The following C12orf42 variants were observed in gnomAD, a reference collection of about 807,000 sequenced individuals.
The protein encoded by C12orf42 is uncharacterized protein C12orf42.
A neutral mutation model predicts 21.6 loss-of-function variants in C12orf42; 25 were observed. The ratio of observed to expected loss-of-function variants is 1.16; its 90% CI spans 0.84 to 1.62. C12orf42 has a LOEUF of 1.62. Ranked by LOEUF, C12orf42 falls within the 40% of genes most tolerant of loss-of-function variation. The pLI is 0.00. For synonymous variants in C12orf42, 174 were observed against 175.0 expected (o/e 0.99, Z 0.05); for missense variants, 483 against 459.3 (o/e 1.05, Z -0.47).
At chr12:103,554,206 A>G in the C12orf42 span, among the ~76,000 whole-genome samples, 2 of 152,210 alleles carry the variant, frequency 1.3e-5, no homozygotes, top group African/African-American at 2.4e-5. Context: ...AACTATGTTA[A>G]CAAAATCAGG....
the C12orf42 span, among the ~76,000 whole-genome samples, chr12:103,221,425 T>G: frequency 6.6e-6 from 1 of 152,232 alleles, no homozygotes; most frequent in African/African-American, 2.4e-5. Context: ...CAGAATCAAG[T>G]CCAGTCTCAG....
chr12:103,130,871 G>T, the C12orf42 span, among the ~76,000 whole-genome samples: 2 of 152,150 alleles, frequency 1.3e-5, no homozygotes, highest in African/African-American at 4.8e-5. Context: ...AACCTGAGTA[G>T]GTTGTTGCAT....
the C12orf42 span, among the ~76,000 whole-genome samples, chr12:103,223,770 A>G: frequency 2.6e-5 from 4 of 152,200 alleles, no homozygotes; most frequent in Non-Finnish European, 5.9e-5. Context: ...GCATCTATAC[A>G]GGAGCTTAAA....
the C12orf42 span, among the ~76,000 whole-genome samples, chr12:103,157,065 A>G: frequency 4.0e-4 from 61 of 152,150 alleles, no homozygotes; most frequent in Non-Finnish European, 7.1e-4. Context: ...CTTCCACAAT[A>G]GTTGAGCTAA....
intron 4 of C12orf42, among the ~76,000 whole-genome samples, chr12:103,326,511 C>T (rs1593446634): frequency 6.6e-6 from 1 of 152,100 alleles, no homozygotes; most frequent in African/African-American, 2.4e-5. Context: ...ATGATCTAGC[C>T]CCTTCCTACC....
chr12:103,184,955 G>C, the C12orf42 span, among the ~76,000 whole-genome samples: 12 of 152,032 alleles, frequency 7.9e-5, no homozygotes. Flanking sequence ...GCCAAGGAGA[G>C]TGGCTTCAGA....
At chr12:103,236,511 GT>G (rs2033471495), downstream of C12orf42, among the ~76,000 whole-genome samples, 1 of 152,150 alleles carries the variant, frequency 6.6e-6, no homozygotes, top group Admixed American at 6.5e-5. Flanking sequence ...GATTATCTCA[GT>G]TCACTAAACT....
At chr12:103,511,238 TA>T in the C12orf42 span, among the ~76,000 whole-genome samples, 20 of 152,096 alleles carry the variant, frequency 1.3e-4, no homozygotes, top group East Asian at 3.8e-4. Flanking sequence ...ATAAAGTGAT[TA>T]AAAAATGCTA....
At chr12:103,261,183 G>A (rs1206601422) in intron 10 of C12orf42, among the ~76,000 whole-genome samples, 1 of 152,122 alleles carries the variant, frequency 6.6e-6, no homozygotes, top group East Asian at 1.9e-4. Flanking sequence ...CAAAATTAAT[G>A]TATGGGGCCA....
chr12:103,539,583 T>C, the C12orf42 span, among the ~76,000 whole-genome samples: 3 of 152,110 alleles, frequency 2.0e-5, no homozygotes, highest in Non-Finnish European at 4.4e-5. Flanking sequence ...AGTTTAATTT[T>C]TTTTTTTTTC....
At chr12:103,459,765 G>T (rs188502982) in intron 2 of C12orf42, among the ~76,000 whole-genome samples, 1 of 152,302 alleles carries the variant, frequency 6.6e-6, no homozygotes, top group East Asian at 1.9e-4. Flanking sequence ...AAGCCAAACT[G>T]CAAATTAACA....
At chr12:103,200,824 T>C in the C12orf42 span, among the ~76,000 whole-genome samples, 2 of 152,208 alleles carry the variant, frequency 1.3e-5, no homozygotes, top group Non-Finnish European at 2.9e-5. Context: ...GAATTTTAAA[T>C]CATTATAATT....
At chr12:103,250,608 A>T (rs1343613993) in intron 10 of C12orf42, among the ~76,000 whole-genome samples, 2 of 152,132 alleles carry the variant, frequency 1.3e-5, no homozygotes, top group Non-Finnish European at 2.9e-5. Context: ...ACAGAGGGAG[A>T]GGATAAAAGC....
intron 4 of C12orf42, among the ~76,000 whole-genome samples, chr12:103,311,003 C>T (rs1327315046): frequency 6.6e-6 from 1 of 152,140 alleles, no homozygotes; most frequent in Non-Finnish European, 1.5e-5. Flanking sequence ...CTTTCGCATT[C>T]CAGGAGTTAT....
intron 2 of C12orf42, among the ~76,000 whole-genome samples, chr12:103,476,689 G>C (rs1284765581): frequency 6.6e-6 from 1 of 152,180 alleles, no homozygotes; most frequent in Admixed American, 6.5e-5. Context: ...CTCATGGAGT[G>C]AGAAGATTAA....
chr12:103,096,187 T>A, the C12orf42 span, among the ~76,000 whole-genome samples: 6 of 152,222 alleles, frequency 3.9e-5, no homozygotes, highest in Non-Finnish European at 8.8e-5. Context: ...TCAGGTGCCA[T>A]CTGAAAGTGA....
intron 2 of C12orf42, among the ~76,000 whole-genome samples, chr12:103,430,307 T>C (rs2139315787): frequency 6.6e-6 from 1 of 152,266 alleles, no homozygotes; most frequent in East Asian, 1.9e-4. Context: ...GCAAAGGATA[T>C]GAACAGACAC....
intron 3 of C12orf42, among the ~76,000 whole-genome samples, chr12:103,377,150 T>C (rs1326803882): frequency 6.6e-6 from 1 of 152,140 alleles, no homozygotes; most frequent in Non-Finnish European, 1.5e-5. Flanking sequence ...TCTTAGGGTC[T>C]GGGCTTGCCT....
the C12orf42 span, among the ~76,000 whole-genome samples, chr12:103,506,479 T>TTTTACTGTACGTTTTCTTTG: frequency 6.6e-6 from 1 of 151,958 alleles, no homozygotes. Context: ...CTTATCATAA[T>TTTTACTGTACGTTTTCTTTG]TTTACTGTAC....
Sources: gnomAD v4.1 joint callset for allele counts (sites outside exome capture counted in the v4.1 genomes callset) on GRCh38, gnomAD v4.1.1 for gene constraint, MANE v1.5 for transcripts, NCBI Gene and HGNC (gene_info 2026-07-23, HGNC 2026-07-21) for gene names.